The following DYNC1I1 variants were observed in gnomAD, a reference collection of about 807,000 sequenced individuals.
DYNC1I1 encodes dynein cytoplasmic 1 intermediate chain 1.
DYNC1I1 carries 43 observed loss-of-function variants against 86.6 expected under a neutral mutation model. That is an observed-to-expected ratio of 0.50 (90% CI 0.39 to 0.64). DYNC1I1 has a LOEUF of 0.64. DYNC1I1 is among the 30% of genes least tolerant of loss of function. DYNC1I1 has a pLI of 0.00. For synonymous variants in DYNC1I1, 262 were observed against 283.7 expected (o/e 0.92, Z 0.77); for missense variants, 604 against 788.8 (o/e 0.77, Z 2.81).
chr7:95,939,268 A>G (rs1192682435), intron 6 of DYNC1I1, among the ~76,000 whole-genome samples: 3 of 152,282 alleles, frequency 2.0e-5, no homozygotes, highest in South Asian at 2.1e-4. Context: ...AAAAATGTAT[A>G]TTCTGTTGAT....
intron 16 of DYNC1I1, among the ~76,000 whole-genome samples, chr7:96,097,244 A>T (rs1791040830): frequency 6.6e-6 from 1 of 152,196 alleles, no homozygotes; most frequent in Admixed American, 6.5e-5. Flanking sequence ...ATAGGTTTTT[A>T]AAGTTTTATA....
intron 5 of DYNC1I1, among the ~76,000 whole-genome samples, chr7:95,852,398 CTTAG>C (rs1383159584): frequency 6.6e-6 from 1 of 150,818 alleles, no homozygotes; most frequent in Non-Finnish European, 1.5e-5. Context: ...CTCTTTTTTC[CTTAG>C]TTAGCCCAGC....
At chr7:95,912,561 G>A (rs949380425) in intron 6 of DYNC1I1, among the ~76,000 whole-genome samples, 6 of 152,186 alleles carry the variant, frequency 3.9e-5, no homozygotes, top group South Asian at 2.1e-4. Flanking sequence ...GAGAAATCAT[G>A]TTCTGATCAT....
At chr7:95,926,338 A>G (rs1405054009) in intron 6 of DYNC1I1, among the ~76,000 whole-genome samples, 3 of 152,176 alleles carry the variant, frequency 2.0e-5, no homozygotes, top group Admixed American at 2.0e-4. Context: ...GTGAAGTACT[A>G]TTTAGCCATT....
intron 5 of DYNC1I1, 87 bp from the exon 6 acceptor site, chr7:95,869,796 T>C: frequency 7.8e-7 from 1 of 1,284,818 alleles, no homozygotes; most frequent in Non-Finnish European, 1.1e-6. Context: ...TTGTGGTTTG[T>C]TTGTTTTAGT....
rs752932291 is a variant in DYNC1I1, at chr7:95,984,853, A to G, written c.619A>G (p.Ile207Val). 1.2e-6 allele frequency: 2 copies of G among 1,612,758 alleles called. No individual in the cohort carries two copies. The highest frequency in any genetic ancestry group is 1.7e-6 in the Non-Finnish European group (2 of 1,179,504). The change falls in exon 8 of 17, where the codon ATC (isoleucine) becomes GTC (valine). Residue 207 changes from isoleucine (I) to valine (V), a missense_variant. Coordinates refer to ENST00000447467, the MANE Select transcript of DYNC1I1 (RefSeq NM_001135556.2). ...RELTEEEKQQ[I>V]LHSEEFLIFF... The stretch of plus-strand genomic sequence containing the variant: ...GTTGACAGAGGAAGAAAAACAGCAG[A>G]TCCTTCATTCAGAGGAATTTCTCAT...
intron 5 of DYNC1I1, among the ~76,000 whole-genome samples, chr7:95,851,530 A>G (rs902691988): frequency 5.9e-5 from 9 of 151,956 alleles, no homozygotes; most frequent in African/African-American, 1.9e-4. Context: ...ATTTGCGTTC[A>G]TGGGACTATC....
intron 5 of DYNC1I1, among the ~76,000 whole-genome samples, chr7:95,851,518 T>G (rs1789578896): frequency 6.6e-6 from 1 of 152,236 alleles, no homozygotes. Flanking sequence ...GCTACTGTAT[T>G]GATTTGCGTT....
In DYNC1I1 at chr7:95,987,095, G is replaced by A. The variant is rs1166398804; in HGVS notation, c.783G>A (p.Gln261=). ...GAGCCAATCTTTCTTTCAATCGTCA[G>A]TTCTATGATGAACATTGGTCCAAGC... The part of the protein sequence containing the change: ...QAGANLSFNR[Q]FYDEHWSKHR... Residue 261 remains glutamine, a synonymous_variant, in exon 9 of 17, where the codon CAG becomes CAA. Coordinates refer to ENST00000447467, the MANE Select transcript of DYNC1I1 (RefSeq NM_001135556.2). 6.2e-7 allele frequency: 1 copy of A among 1,613,934 alleles called. No individual in the cohort carries two copies. The highest frequency in any genetic ancestry group is 1.1e-5 in the South Asian group (1 of 91,072).
chr7:95,833,896 T>C (rs1319275323), intron 5 of DYNC1I1, among the ~76,000 whole-genome samples: 1 of 150,082 alleles, frequency 6.7e-6, no homozygotes, highest in African/African-American at 2.5e-5. Flanking sequence ...TTTCTAGATA[T>C]ACAATCATGT....
In DYNC1I1 at chr7:95,984,991, G is replaced by A. The variant is rs372704637; in HGVS notation, c.743+14G>A. 3.5e-5 allele frequency: 56 copies of A among 1,605,184 alleles called. No homozygotes were observed. Among genetic ancestry groups the A allele is most frequent in the Non-Finnish European group, 4.6e-5 (54 of 1,177,786 alleles). Reference sequence around the variant, plus strand: ...GGAAAAAGATGGGTTAGTCTCTTGTGTGCATTCTTTAAAAAATAGCGTAAG... The same window carrying A: ...GGAAAAAGATGGGTTAGTCTCTTGTATGCATTCTTTAAAAAATAGCGTAAG... On this transcript the variant is annotated intron_variant, in intron 8 of 16. Transcript: ENST00000447467.
chr7:96,038,821 T>C (rs1303987372), intron 13 of DYNC1I1, among the ~76,000 whole-genome samples: 3 of 152,174 alleles, frequency 2.0e-5, no homozygotes, highest in Non-Finnish European at 4.4e-5. Context: ...AAATGATTGT[T>C]CCTTCAAGGA....
At chr7:96,010,785 C>A (rs146371137) in intron 10 of DYNC1I1, among the ~76,000 whole-genome samples, 23 of 152,318 alleles carry the variant, frequency 1.5e-4, no homozygotes, top group African/African-American at 5.3e-4. Context: ...AGCTCAAAAT[C>A]TAGCACAATG....
At chr7:95,823,031 G>T (rs1332281033) in intron 4 of DYNC1I1, among the ~76,000 whole-genome samples, 1 of 152,154 alleles carries the variant, frequency 6.6e-6, no homozygotes, top group African/African-American at 2.4e-5. Flanking sequence ...TGGACATCTG[G>T]CTTCCCAGGA....
chr7:96,087,740 C>T (rs1481889286), intron 16 of DYNC1I1, among the ~76,000 whole-genome samples: 1 of 152,120 alleles, frequency 6.6e-6, no homozygotes, highest in Non-Finnish European at 1.5e-5. Context: ...AGCTTTTCAA[C>T]TGGATTTTTC....
At chr7:96,009,595 A>G (rs1443164643) in intron 10 of DYNC1I1, among the ~76,000 whole-genome samples, 3 of 152,174 alleles carry the variant, frequency 2.0e-5, no homozygotes, top group Non-Finnish European at 4.4e-5. Flanking sequence ...TTCATAACAA[A>G]TACAGTCTTT....
intron 5 of DYNC1I1, among the ~76,000 whole-genome samples, chr7:95,836,614 G>A (rs1246916907): frequency 6.6e-6 from 1 of 152,068 alleles, no homozygotes; most frequent in Non-Finnish European, 1.5e-5. Flanking sequence ...CCAGTCAGAC[G>A]TAGATTTGGT....
intron 14 of DYNC1I1, 33 bp downstream of exon 14, chr7:96,039,454 T>C: frequency 6.2e-7 from 1 of 1,612,912 alleles, no homozygotes; most frequent in Non-Finnish European, 8.5e-7. Flanking sequence ...TCTCAGATAA[T>C]ACATAAGGGC....
intron 1 of DYNC1I1, among the ~76,000 whole-genome samples, chr7:95,792,197 A>G (rs1794320752): frequency 6.6e-6 from 1 of 152,178 alleles, no homozygotes; most frequent in Non-Finnish European, 1.5e-5. Context: ...GTAGTCATGC[A>G]CTATGGTACA....
Sources: allele counts gnomAD v4.1 joint callset (sites outside exome capture counted in the v4.1 genomes callset), GRCh38; gene constraint gnomAD v4.1.1; transcripts MANE v1.5; gene names NCBI Gene and HGNC (gene_info 2026-07-23, HGNC 2026-07-21).